Variants in PPP2R5D observed in about 807,000 individuals in gnomAD.
PPP2R5D encodes the protein protein phosphatase 2 regulatory subunit B'delta, also known as serine/threonine-protein phosphatase 2A 56 kDa regulatory subunit delta isoform.
A neutral mutation model predicts 79.1 loss-of-function variants in PPP2R5D; 12 were observed. The observed-to-expected ratio is 0.15, with a 90% CI of 0.10 to 0.25. The LOEUF is 0.25. PPP2R5D is among the 10% of genes least tolerant of loss of function. The pLI is 1.00. For missense variants in PPP2R5D, 419 were observed against 760.2 expected, an observed-to-expected ratio of 0.55 and a Z score of 5.28; for synonymous variants, 277 against 286.6, an observed-to-expected ratio of 0.97 and a Z score of 0.34.
At chr6:42,998,055 ATATTTTTTTTTTTTTTT>A (rs1771911668) in intron 2 of PPP2R5D, among the ~76,000 whole-genome samples, 2 of 15,852 alleles carry the variant, frequency 1.3e-4, no homozygotes, top group African/African-American at 3.9e-4. Context: ...ATATATATAT[ATATTTTTTTTTTTTTTT>A]TTTTTTTTTT....
At chr6:42,984,790 C>G in intron 1 of PPP2R5D, 86 bp downstream of exon 1, 39 of 1,580,048 alleles carry the variant, frequency 2.5e-5, no homozygotes, top group Middle Eastern at 3.8e-4. Flanking sequence ...GGGACAGCCC[C>G]AGACTGACCC....
In PPP2R5D at chr6:43,011,009, A is replaced by G. The variant is rs773619673; in HGVS notation, c.1671+12A>G. On this transcript the variant is annotated intron_variant, in intron 15 of 15. Transcript: ENST00000485511. ...CTGAGGCTGTTCAGGTGGGAGGGCA[A>G]TGTAGGGGGATGGAGCAGAAATAAT... 2.7e-5 allele frequency: 43 copies of G among 1,611,146 alleles called. No individual in the cohort carries two copies. The highest frequency in any genetic ancestry group is 3.3e-5 in the Non-Finnish European group (39 of 1,177,442).
Position 42,984,575 on chromosome 6 carries a change from G to T in PPP2R5D, c.-103G>T, listed in dbSNP as rs1422431853. ...AGGCACCGCTCGACCCGGGCGCAGCGCGCAGGCGGTGGCGAAGAGACGCCG... is the reference window on the plus strand; with the variant it reads ...AGGCACCGCTCGACCCGGGCGCAGCTCGCAGGCGGTGGCGAAGAGACGCCG... On this transcript the variant is annotated 5_prime_UTR_variant, in exon 1 of 16. Coordinates refer to ENST00000485511, the MANE Select transcript of PPP2R5D (RefSeq NM_006245.4). The T allele has an allele frequency of 3.4e-6, 5 of 1,457,884 alleles. No homozygotes were observed. The South Asian group carries it at 7.1e-5, about 21-fold the overall frequency. The allele number at this position is 1,457,884 out of a possible 1,614,324, so 90.3% of individuals were successfully genotyped here.
intron 2 of PPP2R5D, among the ~76,000 whole-genome samples, chr6:42,993,434 G>A (rs1290865879): frequency 6.6e-6 from 1 of 152,212 alleles, no homozygotes; most frequent in Non-Finnish European, 1.5e-5. Flanking sequence ...TCGTGCCATT[G>A]CACTCCAGCC....
chr6:42,999,113 G>A (rs1417935040), intron 2 of PPP2R5D, among the ~76,000 whole-genome samples: 1 of 152,184 alleles, frequency 6.6e-6, no homozygotes, highest in African/African-American at 2.4e-5. Flanking sequence ...TGGCCAAGTT[G>A]CCTTTGGTCA....
chr6:43,007,583 C>A lies in PPP2R5D; in HGVS notation c.726+77C>A. On this transcript the variant is annotated intron_variant, in intron 6 of 15. Transcript: ENST00000485511. The surrounding 1 kb of genome is among the most constrained non-coding windows in gnomAD (Gnocchi z 4.5). ...TCATCTGTGTCCCAGTGGCTCTTTC[C>A]CCTTAAGCTGAATATATTGGGTTTC... The A allele has an allele frequency of 7.4e-7, 1 of 1,350,486 alleles. No homozygotes were observed. Among genetic ancestry groups the A allele is most frequent in the Non-Finnish European group, 1.1e-6 (1 of 943,518 alleles). 83.7% of individuals were successfully genotyped at this position (1,350,486 alleles called of 1,614,324 possible). A position where few individuals can be genotyped will look rare whatever the true frequency, so the allele number is the denominator to read the frequency against.
rs2150279868 is a variant in PPP2R5D, at chr6:43,008,045, G to T, written c.837G>T (p.Gln279His). The change falls in exon 7 of 16, where the codon CAG becomes CAT. Residue 279 changes from glutamine to histidine, a missense_variant. Coordinates refer to ENST00000485511, the MANE Select transcript of PPP2R5D (RefSeq NM_006245.4). The surrounding 1 kb of genome is among the most constrained non-coding windows in gnomAD (Gnocchi z 4.2). ...GGCTCCGGGCTTATATCCGTAGGCAGATCAACCACATCTTCTACAGGTGAG... is the reference window on the plus strand; with the variant it reads ...GGCTCCGGGCTTATATCCGTAGGCATATCAACCACATCTTCTACAGGTGAG... ...FLGLRAYIRR[Q>H]INHIFYRFIY... The T allele has an allele frequency of 2.5e-6, 4 of 1,614,216 alleles. No individual in the cohort carries two copies. Among genetic ancestry groups the T allele is most frequent in the African/African-American group, 1.3e-5 (1 of 75,044 alleles).
At chr6:42,985,623 G>A (rs1770785965) in intron 1 of PPP2R5D, among the ~76,000 whole-genome samples, 1 of 146,140 alleles carries the variant, frequency 6.8e-6, no homozygotes, top group South Asian at 2.1e-4. Flanking sequence ...TTTTCTTTTC[G>A]CACCAGTGCT....
At chr6:43,005,141 C>CT (rs762415952) in intron 2 of PPP2R5D, among the ~76,000 whole-genome samples, 5,510 of 119,866 alleles carry the variant, frequency 0.046, 442 homozygotes, top group East Asian at 0.34. Flanking sequence ...GTGCACAAAG[C>CT]TTTTTTTTTT....
In PPP2R5D at chr6:43,008,024, C is replaced by T; in HGVS notation, c.816C>T (p.Leu272=). The T allele has an allele frequency of 6.2e-7, 1 of 1,614,186 alleles. No homozygotes were observed. The highest frequency in any genetic ancestry group is 8.5e-7 in the Non-Finnish European group (1 of 1,180,044). ...GCATCTATGGCAAGTTTTTGGGGCTCCGGGCTTATATCCGTAGGCAGATCA... is the reference window on the plus strand; with the variant it reads ...GCATCTATGGCAAGTTTTTGGGGCTTCGGGCTTATATCCGTAGGCAGATCA... ...LHRIYGKFLG[L]RAYIRRQINH... The change falls in exon 7 of 16, where the codon CTC becomes CTT. Residue 272 remains leucine, a synonymous_variant. Coordinates refer to ENST00000485511, the MANE Select transcript of PPP2R5D (RefSeq NM_006245.4). The surrounding 1 kb of genome is among the most constrained non-coding windows in gnomAD (Gnocchi z 4.2).
In PPP2R5D at chr6:43,000,005, G is replaced by C. The variant is rs181881957; in HGVS notation, c.106-6458G>C. ...TGCTAGAGTGCAGTGGCGTGAGCTC[G>C]GCTCACTGCAACCTCCGCCTCCCAG... On this transcript the variant is annotated intron_variant, in intron 2 of 15. Coordinates refer to ENST00000485511, the MANE Select transcript of PPP2R5D (RefSeq NM_006245.4). Among the ~76,000 whole-genome samples the C allele has an allele frequency of 9.9e-5, 15 of 151,704 alleles. No individual in the cohort carries two copies. In the East Asian group the frequency reaches 2.7e-3, roughly 27 times the overall value.
chr6:42,986,251 C>G (rs1281086862), intron 1 of PPP2R5D, among the ~76,000 whole-genome samples: 4 of 152,140 alleles, frequency 2.6e-5, no homozygotes, highest in Non-Finnish European at 5.9e-5. Context: ...GCTAGGATAC[C>G]AGTTCCAGCC....
intron 2 of PPP2R5D, among the ~76,000 whole-genome samples, chr6:42,992,650 C>T (rs1410280831): frequency 5.3e-5 from 8 of 151,606 alleles, no homozygotes; most frequent in Non-Finnish European, 1.0e-4. Flanking sequence ...CCTGTCTCTA[C>T]AAAAAAATAA....
chr6:43,004,908 C>T (rs959945953), intron 2 of PPP2R5D, among the ~76,000 whole-genome samples: 18 of 151,820 alleles, frequency 1.2e-4, no homozygotes, highest in African/African-American at 4.1e-4. Flanking sequence ...CGCCACCACA[C>T]CCGGCTAATT....
chr6:43,005,727 T>A (rs542549429), intron 2 of PPP2R5D, among the ~76,000 whole-genome samples: 2 of 152,204 alleles, frequency 1.3e-5, no homozygotes, highest in East Asian at 3.9e-4. Context: ...GTTCAAGCGA[T>A]TCTCCTGCCT....
intron 1 of PPP2R5D, 92 bp downstream of exon 1, chr6:42,984,796 G>T: frequency 1.3e-6 from 2 of 1,565,818 alleles, no homozygotes; most frequent in East Asian, 2.3e-5. Context: ...GCCCCAGACT[G>T]ACCCTCCCGT....
At chr6:42,987,410 T>C (rs1321315240) in intron 1 of PPP2R5D, among the ~76,000 whole-genome samples, 2 of 152,230 alleles carry the variant, frequency 1.3e-5, no homozygotes, top group South Asian at 2.1e-4. Flanking sequence ...CCGATTTTTT[T>C]CTTGTTCATA....
intron 2 of PPP2R5D, among the ~76,000 whole-genome samples, chr6:42,995,426 C>T (rs911726152): frequency 3.9e-5 from 6 of 152,092 alleles, no homozygotes; most frequent in African/African-American, 1.4e-4. Context: ...AGCCACTGTG[C>T]CCTGCCCAAC....
Position 43,010,932 on chromosome 6 carries a change from A to C in PPP2R5D, c.1606A>C (p.Thr536Pro), listed in dbSNP as rs770585329. ...ACTGCCCCCTGTGTACTCGATGGAGACAGAGACCCCCACAGCTGAGGACAT... is the reference window on the plus strand; with the variant it reads ...ACTGCCCCCTGTGTACTCGATGGAGCCAGAGACCCCCACAGCTGAGGACAT... The part of the protein sequence containing the change: ...PPLPPVYSME[T>P]ETPTAEDIQL... The change falls in exon 15 of 16, where the codon ACA becomes CCA. Residue 536 changes from threonine (T) to proline (P), a missense_variant. This residue lies in a region of PPP2R5D where 84 missense variants were observed against 105.4 expected (regional missense o/e 0.80). Transcript: ENST00000485511. The surrounding 1 kb of genome is among the most constrained non-coding windows in gnomAD (Gnocchi z 4.7). 1 of 1,614,084 alleles carries C rather than the reference A, an allele frequency of 6.2e-7. No individual in the cohort carries two copies. The highest frequency in any genetic ancestry group is 2.2e-5 in the East Asian group (1 of 44,876).
Sources: allele counts gnomAD v4.1 joint callset (sites outside exome capture counted in the v4.1 genomes callset), GRCh38; gene constraint gnomAD v4.1.1; regional missense constraint gnomAD v4.1.1; non-coding constraint Gnocchi (gnomAD v3.1); transcripts MANE v1.5; gene names NCBI Gene and HGNC (gene_info 2026-07-23, HGNC 2026-07-21).